COL8A1: variants seen among roughly 807,000 people sequenced by gnomAD.
COL8A1 encodes collagen alpha-1(VIII) chain.
A neutral mutation model predicts 42.7 loss-of-function variants in COL8A1; 21 were observed. The ratio of observed to expected loss-of-function variants is 0.49; its 90% CI spans 0.35 to 0.71. The LOEUF (loss-of-function observed/expected upper bound fraction) is 0.71, where lower values mean the gene tolerates loss of function less well. Ranked by LOEUF, COL8A1 falls within the 30% of genes least tolerant of loss-of-function variation. The pLI is 0.01. For synonymous variants in COL8A1, 367 were observed against 369.1 expected, an observed-to-expected ratio of 0.99 and a Z score of 0.06; for missense variants, 788 against 962.4, an observed-to-expected ratio of 0.82 and a Z score of 2.40.
At chr3:99,706,822 A>G (rs1939691720) in intron 1 of COL8A1, among the ~76,000 whole-genome samples, 1 of 152,194 alleles carries the variant, frequency 6.6e-6, no homozygotes. Context: ...CATGAATAAT[A>G]TTAGGTTTTC....
At chr3:99,713,612 G>C (rs895498107) in intron 1 of COL8A1, among the ~76,000 whole-genome samples, 1 of 152,000 alleles carries the variant, frequency 6.6e-6, no homozygotes, top group Non-Finnish European at 1.5e-5. Flanking sequence ...TCTTTCAACC[G>C]TTGATCCTGG....
intron 1 of COL8A1, chr3:99,685,532 C>T (rs369325605): frequency 1.3e-5 from 2 of 152,122 alleles, no homozygotes; most frequent in East Asian, 3.8e-4. Flanking sequence ...TATGCCCTTT[C>T]GCAATAGGTA....
intron 1 of COL8A1, among the ~76,000 whole-genome samples, chr3:99,710,384 C>T (rs1276677153): frequency 6.6e-6 from 1 of 152,120 alleles, no homozygotes; most frequent in Non-Finnish European, 1.5e-5. Flanking sequence ...CCCCTCCAAG[C>T]ACCAATAGGA....
intron 2 of COL8A1, among the ~76,000 whole-genome samples, chr3:99,754,751 G>T (rs1941220818): frequency 6.6e-6 from 1 of 152,070 alleles, no homozygotes; most frequent in African/African-American, 2.4e-5. Context: ...TCTTACCAGA[G>T]ATCTTCTTGG....
At chr3:99,768,846 T>C (rs1185291725) in intron 2 of COL8A1, among the ~76,000 whole-genome samples, 1 of 152,168 alleles carries the variant, frequency 6.6e-6, no homozygotes, top group Non-Finnish European at 1.5e-5. Context: ...TGGTCTCCAT[T>C]AGAGAATAGG....
chr3:99,716,435 C>A (rs533661017), intron 1 of COL8A1, among the ~76,000 whole-genome samples: 1 of 152,132 alleles, frequency 6.6e-6, no homozygotes, highest in Admixed American at 6.6e-5. Flanking sequence ...AATGCAAATT[C>A]ATTGACTACC....
At chr3:99,778,273 C>T (rs150252855) in intron 2 of COL8A1, among the ~76,000 whole-genome samples, 10 of 152,230 alleles carry the variant, frequency 6.6e-5, no homozygotes, top group East Asian at 5.8e-4. Flanking sequence ...GGAGGGCCAA[C>T]GACAGTGAGT....
intron 1 of COL8A1, among the ~76,000 whole-genome samples, chr3:99,744,654 G>A (rs756493317): frequency 2.0e-5 from 3 of 152,086 alleles, no homozygotes; most frequent in Non-Finnish European, 4.4e-5. Context: ...TCTCCAATAT[G>A]TATTAATGGA....
chr3:99,759,058 T>C (rs941432901), intron 2 of COL8A1, among the ~76,000 whole-genome samples: 11 of 150,904 alleles, frequency 7.3e-5, no homozygotes, highest in African/African-American at 2.7e-4. Context: ...TGACAGCCCA[T>C]CTAAAGTTGC....
intron 2 of COL8A1, among the ~76,000 whole-genome samples, chr3:99,755,843 C>T (rs1392016988): frequency 1.3e-5 from 2 of 152,132 alleles, no homozygotes; most frequent in East Asian, 1.9e-4. Flanking sequence ...GGAGCCAGAT[C>T]GCTTAGGTCT....
chr3:99,664,286 A>G (rs1172218993), intron 1 of COL8A1, among the ~76,000 whole-genome samples: 1 of 152,150 alleles, frequency 6.6e-6, no homozygotes, highest in Non-Finnish European at 1.5e-5. Flanking sequence ...TAGGGCCTCA[A>G]CTACTATTTG....
intron 1 of COL8A1, among the ~76,000 whole-genome samples, chr3:99,674,198 G>A (rs943357562): frequency 2.0e-5 from 3 of 151,856 alleles, no homozygotes; most frequent in South Asian, 2.1e-4. Flanking sequence ...ACTATTTATA[G>A]GAAATCTCTC....
chr3:99,666,186 A>G (rs1938363978), intron 1 of COL8A1, among the ~76,000 whole-genome samples: 2 of 152,224 alleles, frequency 1.3e-5, no homozygotes, highest in Admixed American at 6.5e-5. Flanking sequence ...CATGGCTTCC[A>G]AGGTGCTCTA....
At chr3:99,712,392 G>T (rs535202711) in intron 1 of COL8A1, among the ~76,000 whole-genome samples, 2 of 152,138 alleles carry the variant, frequency 1.3e-5, no homozygotes, top group East Asian at 1.9e-4. Flanking sequence ...GCTTGGCAAG[G>T]CATGTTGGCC....
Position 99,790,877 on chromosome 3 carries a change from A to G in COL8A1, c.195A>G (p.Lys65=), listed in dbSNP as rs778041276. 3 of 1,614,154 alleles carry G rather than the reference A, an allele frequency of 1.9e-6. No individual in the cohort carries two copies. In the African/African-American group the frequency reaches 4.0e-5, roughly 22 times the overall value. Reference sequence around the variant, plus strand: ...AAGTACCTCACATGCCTTTGGCCAAAGATGGCCTTGCCATGGGCAAGGAGA... The same window carrying G: ...AAGTACCTCACATGCCTTTGGCCAAGGATGGCCTTGCCATGGGCAAGGAGA... The part of the protein sequence containing the change: ...GQQVPHMPLA[K]DGLAMGKEMP... The change falls in exon 3 of 4, where the codon AAA becomes AAG. Residue 65 remains lysine, a synonymous_variant. Transcript: ENST00000652472.
At position 99,659,628 on chromosome 3, in the gene COL8A1, G is replaced by A. The variant is rs1325096568; in HGVS notation, c.-129+20964G>A. On this transcript the variant is annotated intron_variant, in intron 1 of 3. Transcript: ENST00000652472. ...ACAAAAGCATCTAGAAAGTTCTATG[G>A]CAAAAAAAGAGGTTCACCTGAAATT... Among the ~76,000 whole-genome samples the A allele has an allele frequency of 3.9e-5, 6 of 152,008 alleles. No individual in the cohort carries two copies. In the East Asian group the frequency reaches 1.2e-3, roughly 29 times the overall value.
chr3:99,650,309 T>G lies in COL8A1; in HGVS notation c.-129+11645T>G, dbSNP rs1003952192. Among the ~76,000 whole-genome samples, 5 of 152,210 alleles carry G rather than the reference T, an allele frequency of 3.3e-5. No individual in the cohort carries two copies. The East Asian group carries it at 9.6e-4, about 29-fold the overall frequency. On this transcript the variant is annotated intron_variant, in intron 1 of 3. Transcript: ENST00000652472. ...TGTCAGTAATATGTCACCTATGCACTGTATTGAATAAGTCAGGACTGTCTA... is the reference window on the plus strand; with the variant it reads ...TGTCAGTAATATGTCACCTATGCACGGTATTGAATAAGTCAGGACTGTCTA...
chr3:99,732,373 C>G (rs1167922779), intron 1 of COL8A1, among the ~76,000 whole-genome samples: 7 of 152,216 alleles, frequency 4.6e-5, no homozygotes. Context: ...TTAATTGATT[C>G]ACAGTTCAGC....
intron 1 of COL8A1, among the ~76,000 whole-genome samples, chr3:99,730,814 C>T (rs1280650113): frequency 6.6e-6 from 1 of 152,054 alleles, no homozygotes; most frequent in African/African-American, 2.4e-5. Context: ...TAATTTTATG[C>T]TTTTGTAATT....
Sources: gnomAD v4.1 joint callset for allele counts (sites outside exome capture counted in the v4.1 genomes callset) on GRCh38, gnomAD v4.1.1 for gene constraint, MANE v1.5 for transcripts, NCBI Gene and HGNC (gene_info 2026-07-23, HGNC 2026-07-21) for gene names.